The following TBC1D22A variants were observed in gnomAD, a reference collection of about 807,000 sequenced individuals.
TBC1D22A encodes the protein putative GTPase activator.
A neutral mutation model predicts 60.2 loss-of-function variants in TBC1D22A; 38 were observed. The ratio of observed to expected loss-of-function variants is 0.63; its 90% CI spans 0.49 to 0.83. The LOEUF is 0.83. TBC1D22A is among the 40% of genes least tolerant of loss of function. The pLI is 0.00. For synonymous variants in TBC1D22A, 302 were observed against 281.7 expected (o/e 1.07, Z -0.72); for missense variants, 628 against 701.0 (o/e 0.90, Z 1.18).
chr22:46,865,803 G>C (rs186646004), intron 4 of TBC1D22A, among the ~76,000 whole-genome samples: 1 of 152,176 alleles, frequency 6.6e-6, no homozygotes. Context: ...GTTCTGGGGC[G>C]TAAAGATACT....
chr22:46,850,085 G>A (rs200378181), intron 4 of TBC1D22A, among the ~76,000 whole-genome samples: 2 of 152,202 alleles, frequency 1.3e-5, no homozygotes, highest in East Asian at 1.9e-4. Context: ...GCAGCAGCTC[G>A]ACTGCATGCC....
intron 4 of TBC1D22A, among the ~76,000 whole-genome samples, chr22:46,823,864 C>T (rs952031692): frequency 5.9e-5 from 9 of 152,166 alleles, no homozygotes; most frequent in South Asian, 2.1e-4. Flanking sequence ...GTGCTGCACA[C>T]GCACACCTGA....
intron 11 of TBC1D22A, among the ~76,000 whole-genome samples, chr22:47,074,330 A>G (rs531173284): frequency 6.6e-6 from 1 of 152,188 alleles, no homozygotes; most frequent in Non-Finnish European, 1.5e-5. Flanking sequence ...GTTTTCCCTA[A>G]TGTGTGTCAA....
At chr22:47,082,488 T>G (rs1022791820) in intron 11 of TBC1D22A, among the ~76,000 whole-genome samples, 16 of 152,182 alleles carry the variant, frequency 1.1e-4, no homozygotes, top group Admixed American at 1.0e-3. Flanking sequence ...TACATACATC[T>G]GACAAAGTAC....
intron 11 of TBC1D22A, among the ~76,000 whole-genome samples, chr22:47,072,544 G>T (rs1333151856): frequency 6.6e-6 from 1 of 152,204 alleles, no homozygotes; most frequent in Non-Finnish European, 1.5e-5. Flanking sequence ...CATGCCTTAT[G>T]CACTTGGCCA....
At chr22:46,783,297 G>A (rs1234636066) in intron 1 of TBC1D22A, among the ~76,000 whole-genome samples, 1 of 152,228 alleles carries the variant, frequency 6.6e-6, no homozygotes, top group Non-Finnish European at 1.5e-5. Flanking sequence ...AGTCCTCCAT[G>A]TTTTGACCCT....
At chr22:46,993,893 A>C (rs1348576604) in intron 9 of TBC1D22A, among the ~76,000 whole-genome samples, 4 of 150,112 alleles carry the variant, frequency 2.7e-5, no homozygotes, top group Admixed American at 2.6e-4. Context: ...GCCAGGAGCC[A>C]GGAGGGCCCA....
chr22:47,075,186 G>T (rs1338371228), intron 11 of TBC1D22A, among the ~76,000 whole-genome samples: 1 of 145,640 alleles, frequency 6.9e-6, no homozygotes, highest in African/African-American at 2.6e-5. Flanking sequence ...TCACACCACT[G>T]CAGTCCAGCC....
chr22:47,098,985 G>A (rs1366129909), intron 11 of TBC1D22A, among the ~76,000 whole-genome samples: 1 of 152,192 alleles, frequency 6.6e-6, no homozygotes, highest in African/African-American at 2.4e-5. Flanking sequence ...CTGACTGCGG[G>A]GGCTCCTGAA....
intron 5 of TBC1D22A, among the ~76,000 whole-genome samples, chr22:46,880,569 G>C (rs1293042516): frequency 1.3e-5 from 2 of 152,186 alleles, no homozygotes; most frequent in Non-Finnish European, 2.9e-5. Context: ...TTAGACACTA[G>C]CCTGCCATTA....
intron 1 of TBC1D22A, among the ~76,000 whole-genome samples, chr22:46,764,997 C>T (rs764043471): frequency 2.0e-5 from 3 of 152,220 alleles, no homozygotes; most frequent in Non-Finnish European, 4.4e-5. Context: ...ATACAGTCTC[C>T]AGCTTTCTTC....
chr22:46,821,089 A>G (rs1471074779), intron 4 of TBC1D22A, among the ~76,000 whole-genome samples: 1 of 133,636 alleles, frequency 7.5e-6, no homozygotes, highest in South Asian at 2.3e-4. Context: ...TCTGCTTGGT[A>G]TATTTTCCTG....
chr22:47,102,757 G>A (rs2065467669), intron 11 of TBC1D22A, among the ~76,000 whole-genome samples: 1 of 152,116 alleles, frequency 6.6e-6, no homozygotes, highest in African/African-American at 2.4e-5. Flanking sequence ...ATTCAGAGTA[G>A]GATTGGGTAG....
At chr22:47,027,045 T>C (rs2062280256) in intron 10 of TBC1D22A, among the ~76,000 whole-genome samples, 1 of 152,212 alleles carries the variant, frequency 6.6e-6, no homozygotes, top group Non-Finnish European at 1.5e-5. Flanking sequence ...AGACAGCATG[T>C]TGTTGCCATT....
chr22:47,003,166 T>G (rs1387714534), intron 10 of TBC1D22A, among the ~76,000 whole-genome samples: 3 of 152,118 alleles, frequency 2.0e-5, no homozygotes, highest in African/African-American at 7.2e-5. Flanking sequence ...AATTTTTTAA[T>G]ATAAGTATGC....
At chr22:46,789,458 G>A in intron 1 of TBC1D22A, 1 of 377,790 alleles carries the variant, frequency 2.6e-6, no homozygotes, top group Admixed American at 3.2e-5. Flanking sequence ...AATGCCAGTT[G>A]AAGTTTTGCT....
At chr22:46,924,145 A>G (rs1481190726) in intron 8 of TBC1D22A, among the ~76,000 whole-genome samples, 2 of 152,160 alleles carry the variant, frequency 1.3e-5, no homozygotes, top group African/African-American at 4.8e-5. Context: ...CCCCCTCCCC[A>G]TCTTTGATGC....
intron 11 of TBC1D22A, 49 bp from the exon 12 acceptor site, chr22:47,111,459 A>C: frequency 6.5e-7 from 1 of 1,541,038 alleles, no homozygotes; most frequent in Non-Finnish European, 8.9e-7. Context: ...CAGTGATGTT[A>C]ATGGGTCACG....
At chr22:46,912,518 G>GCCAT (rs2070014087) in intron 8 of TBC1D22A, among the ~76,000 whole-genome samples, 1 of 149,954 alleles carries the variant, frequency 6.7e-6, no homozygotes, top group African/African-American at 2.5e-5. Flanking sequence ...CAATCGATCA[G>GCCAT]TCATTCAGTC....
Sources: allele counts gnomAD v4.1 joint callset (sites outside exome capture counted in the v4.1 genomes callset), GRCh38; gene constraint gnomAD v4.1.1; transcripts MANE v1.5; gene names NCBI Gene and HGNC (gene_info 2026-07-23, HGNC 2026-07-21).